NAV1: variants seen among roughly 807,000 people sequenced by gnomAD.
NAV1 encodes the protein pore membrane and/or filament interacting like protein 3.
In NAV1, 18 loss-of-function variants were observed where a neutral mutation model predicts 175.2. The observed-to-expected ratio is 0.10, with a 90% confidence interval of 0.07 to 0.15. The LOEUF is 0.15. NAV1 is among the 10% of genes least tolerant of loss of function. The pLI is 1.00. For synonymous variants in NAV1, 897 were observed against 978.7 expected, an observed-to-expected ratio of 0.92 and a Z score of 1.56; for missense variants, 1,731 against 2,436.6, an observed-to-expected ratio of 0.71 and a Z score of 6.10.
At chr1:201,783,642 G>T in exon 7 of NAV1, 1 of 1,614,178 alleles carries the variant, frequency 6.2e-7, no homozygotes, top group South Asian at 1.1e-5. Context: ...CTAATGAGTG[G>T]TTTCAGTGTG....
At chr1:201,602,366 G>T (rs1254833188) in intron 2 of NAV1, among the ~76,000 whole-genome samples, 1 of 152,058 alleles carries the variant, frequency 6.6e-6, no homozygotes, top group East Asian at 1.9e-4. Context: ...TTTTGAGATG[G>T]AGTCTCGTTC....
rs757522084 is a variant in NAV1, at chr1:201,810,686, G to A, written c.4725G>A (p.Leu1575=). 1 of 1,614,104 alleles carries A rather than the reference G, an allele frequency of 6.2e-7. No individual in the cohort carries two copies. The highest frequency in any genetic ancestry group is 8.5e-7 in the Non-Finnish European group (1 of 1,180,016). ...TGACCAATCGCTTGGCCGAGTACCT[G>A]GTGGAGCGCTCTGGCCGTGAGGTCA... Residue 1575 remains leucine, a synonymous_variant, in exon 24 of 30, where the codon CTG becomes CTA. Coordinates refer to ENST00000367296, the Ensembl canonical transcript of NAV1. This position sits in a 1 kb window ranked among gnomAD's most constrained non-coding sequence, Gnocchi z 6.0.
intron 1 of NAV1, among the ~76,000 whole-genome samples, chr1:201,584,039 G>A (rs1666952000): frequency 6.6e-6 from 1 of 152,214 alleles, no homozygotes; most frequent in Non-Finnish European, 1.5e-5. Flanking sequence ...TCCATCACCT[G>A]TGATGATTTT....
chr1:201,628,631 C>T (rs1668404290), intron 1 of NAV1, among the ~76,000 whole-genome samples: 1 of 152,198 alleles, frequency 6.6e-6, no homozygotes, highest in Non-Finnish European at 1.5e-5. Flanking sequence ...TCCTGCCAAG[C>T]TGCCAAAGTC....
At chr1:201,804,435 A>G in intron 16 of NAV1, 54 bp from the exon 21 acceptor site, 1 of 1,509,248 alleles carries the variant, frequency 6.6e-7, no homozygotes, top group South Asian at 1.2e-5. Flanking sequence ...TTAAGTGTTG[A>G]TTCTTTTTTT....
At chr1:201,653,570 A>G (rs144628260) in intron 1 of NAV1, among the ~76,000 whole-genome samples, 3 of 152,330 alleles carry the variant, frequency 2.0e-5, no homozygotes, top group African/African-American at 7.2e-5. Context: ...AGCAGGAGAA[A>G]GAAATGTGTT....
chr1:201,598,103 G>T (rs960815473), intron 2 of NAV1, among the ~76,000 whole-genome samples: 1 of 152,242 alleles, frequency 6.6e-6, no homozygotes, highest in Non-Finnish European at 1.5e-5. Context: ...GATGAGCCAG[G>T]TATACCTGGT....
intron 3 of NAV1, among the ~76,000 whole-genome samples, chr1:201,728,611 AAAAAG>A (rs1313437638): frequency 1.2e-4 from 18 of 151,760 alleles, no homozygotes; most frequent in East Asian, 7.7e-4. Flanking sequence ...AAAAAAAAAA[AAAAAG>A]AAAAGAAAAG....
At chr1:201,744,312 GTATGTATTTATTTATTTATT>G (rs1487055473) in intron 3 of NAV1, among the ~76,000 whole-genome samples, 6 of 145,578 alleles carry the variant, frequency 4.1e-5, no homozygotes, top group African/African-American at 1.6e-4. Flanking sequence ...ATGTATGTAT[GTATGTATTTATTTATTTATT>G]TATTTATTTA....
intron 28 of NAV1, among the ~76,000 whole-genome samples, chr1:201,815,377 T>TA (rs1475358590): frequency 6.6e-6 from 1 of 152,148 alleles, no homozygotes; most frequent in East Asian, 1.9e-4. Flanking sequence ...CCTTGTCACT[T>TA]AAAAAAAGGT....
chr1:201,801,771 A>G (rs1427268958), intron 15 of NAV1, among the ~76,000 whole-genome samples: 1 of 152,204 alleles, frequency 6.6e-6, no homozygotes, highest in Non-Finnish European at 1.5e-5. Flanking sequence ...TAAAAATCAG[A>G]TAATATTTTG....
chr1:201,621,110 T>A (rs1198476437), upstream of NAV1, among the ~76,000 whole-genome samples: 2 of 151,498 alleles, frequency 1.3e-5, no homozygotes, highest in Non-Finnish European at 1.5e-5. Flanking sequence ...TATTTTTATG[T>A]TTTGTAGAGA....
At chr1:201,605,343 T>A in intron 2 of NAV1, among the ~76,000 whole-genome samples, 1 of 152,056 alleles carries the variant, frequency 6.6e-6, no homozygotes, top group East Asian at 1.9e-4. Context: ...TGACAACAAG[T>A]ATTGCCAAAA....
exon 30 of NAV1, chr1:201,825,327 TA>T (rs34414134): frequency 0.016 from 2,159 of 138,368 alleles, 9 homozygotes; most frequent in Non-Finnish European, 0.017. Flanking sequence ...ATGGAAAAAG[TA>T]AAAAAAAAAA....
At chr1:201,584,698 G>A (rs193235143) in intron 1 of NAV1, among the ~76,000 whole-genome samples, 94 of 152,256 alleles carry the variant, frequency 6.2e-4, no homozygotes, top group Non-Finnish European at 9.4e-4. Flanking sequence ...ATAAGAAACC[G>A]CCCAGAGCTT....
rs144397114 is a variant in NAV1, at chr1:201,660,286, G to A, written c.757+10861G>A. Among the ~76,000 whole-genome samples the A allele has an allele frequency of 1.3e-3, 200 of 152,312 alleles. 3 individuals are homozygous for A. In the East Asian group the frequency reaches 0.019, roughly 15 times the overall value. On this transcript the variant is annotated intron_variant, in intron 1 of 29. Transcript: ENST00000367296. The stretch of plus-strand genomic sequence containing the variant: ...ATGAGAGTGGCCTTCCTCAGCTGTA[G>A]TGGCGGGGCTGAGACCCTGCACTGC...
At chr1:201,601,839 T>A (rs972140656) in intron 2 of NAV1, among the ~76,000 whole-genome samples, 1 of 152,160 alleles carries the variant, frequency 6.6e-6, no homozygotes, top group Non-Finnish European at 1.5e-5. Flanking sequence ...AGAGTTGAAC[T>A]TGAAGCTAGA....
chr1:201,660,128 ATCCTGCCC>A (rs1250405186), intron 1 of NAV1, among the ~76,000 whole-genome samples: 1 of 152,122 alleles, frequency 6.6e-6, no homozygotes, highest in Admixed American at 6.5e-5. Flanking sequence ...CCTCCCTGTC[ATCCTGCCC>A]ATGACTGCAG....
intron 2 of NAV1, among the ~76,000 whole-genome samples, chr1:201,612,037 A>G (rs931421148): frequency 2.0e-5 from 3 of 151,966 alleles, no homozygotes; most frequent in Non-Finnish European, 4.4e-5. Flanking sequence ...CAGTGTGTAT[A>G]TGTATTTGTA....
Sources: gnomAD v4.1 joint callset for allele counts (sites outside exome capture counted in the v4.1 genomes callset) on GRCh38, gnomAD v4.1.1 for gene constraint, Gnocchi (gnomAD v3.1) non-coding constraint, MANE v1.5 for transcripts, NCBI Gene and HGNC (gene_info 2026-07-23, HGNC 2026-07-21) for gene names.